Variants in GRM5 observed in about 807,000 individuals in gnomAD.
The protein encoded by GRM5 is metabotropic glutamate receptor 5.
A neutral mutation model predicts 83.1 loss-of-function variants in GRM5; 19 were observed. The ratio of observed to expected loss-of-function variants is 0.23; its 90% confidence interval spans 0.16 to 0.34. The LOEUF (loss-of-function observed/expected upper bound fraction) is 0.34, where lower values mean the gene tolerates loss of function less well. GRM5 is among the 10% of genes least tolerant of loss of function. The pLI, the probability that GRM5 is intolerant of heterozygous loss-of-function variation, is 1.00. For missense variants in GRM5, 1,160 were observed against 1,588.3 expected (o/e 0.73, Z 4.58); for synonymous variants, 675 against 633.6 (o/e 1.07, Z -0.98).
intron 1 of GRM5, among the ~76,000 whole-genome samples, chr11:89,060,257 T>C (rs148944394): frequency 3.2e-3 from 436 of 137,334 alleles, no homozygotes; most frequent in African/African-American, 0.011. Context: ...TTTACATATA[T>C]GGTAAATGGT....
At chr11:88,831,607 A>G (rs116779104) in intron 3 of GRM5, among the ~76,000 whole-genome samples, 3,884 of 152,228 alleles carry the variant, frequency 0.026, 176 homozygotes, top group African/African-American at 0.089. Flanking sequence ...GGCATCTGGG[A>G]GTTTGGCAAT....
At chr11:88,670,489 A>ATGTG (rs138754698) in intron 3 of GRM5, among the ~76,000 whole-genome samples, 1 of 150,434 alleles carries the variant, frequency 6.6e-6, no homozygotes, top group East Asian at 2.0e-4. Flanking sequence ...GTGTGTGTGT[A>ATGTG]TGTGTGTGTG....
intron 1 of GRM5, among the ~76,000 whole-genome samples, chr11:89,061,299 C>A (rs1482832827): frequency 1.3e-5 from 2 of 152,194 alleles, no homozygotes; most frequent in East Asian, 3.9e-4. Flanking sequence ...CAAATAAATA[C>A]AATATTTTTA....
At chr11:88,973,451 G>A (rs961236918) in intron 2 of GRM5, among the ~76,000 whole-genome samples, 4 of 152,134 alleles carry the variant, frequency 2.6e-5, no homozygotes, top group Non-Finnish European at 5.9e-5. Flanking sequence ...GCTCTTATCA[G>A]AGAGAGGCAA....
Position 88,603,409 on chromosome 11 carries a change from G to A in GRM5, c.1394+1309C>T, listed in dbSNP as rs117263739. Among the ~76,000 whole-genome samples, 175 of 152,300 alleles carry A rather than the reference G, an allele frequency of 1.1e-3. 2 individuals carry two copies. In the Middle Eastern group the frequency reaches 0.014, roughly 12 times the overall value. ...ATGGGAATAATAAATTCCTGTGCAGGTATCTGAGCCCAGGCCTTGACCTGA... is the reference window on the plus strand; with the variant it reads ...ATGGGAATAATAAATTCCTGTGCAGATATCTGAGCCCAGGCCTTGACCTGA... On this transcript the variant is annotated intron_variant, in intron 5 of 9. Coordinates refer to ENST00000305447, the MANE Select transcript of GRM5 (RefSeq NM_001143831.3).
intron 2 of GRM5, among the ~76,000 whole-genome samples, chr11:88,946,630 A>G (rs591799): frequency 0.51 from 76,998 of 151,902 alleles, 21,049 homozygotes; most frequent in South Asian, 0.7. Flanking sequence ...CCACTGACAT[A>G]ACGATGGCGA....
At chr11:88,511,835 C>T (rs918185988) in intron 9 of GRM5, 5 of 152,228 alleles carry the variant, frequency 3.3e-5, no homozygotes, top group African/African-American at 1.2e-4. Context: ...TTGCCAACTA[C>T]ACCCTTTCTC....
chr11:88,912,657 T>C (rs1411385449), intron 2 of GRM5, among the ~76,000 whole-genome samples: 1 of 152,218 alleles, frequency 6.6e-6, no homozygotes, highest in Non-Finnish European at 1.5e-5. Context: ...GCATCCATAA[T>C]AGTCATTTTG....
intron 4 of GRM5, among the ~76,000 whole-genome samples, chr11:88,622,861 AT>A (rs1938678045): frequency 6.6e-6 from 1 of 152,132 alleles, no homozygotes; most frequent in Non-Finnish European, 1.5e-5. Context: ...GTTTGAAACT[AT>A]TTTGCCACTT....
At chr11:88,509,547 CA>C in intron 9 of GRM5, 43 bp from the exon 10 acceptor site, 1 of 1,508,792 alleles carries the variant, frequency 6.6e-7, no homozygotes, top group Non-Finnish European at 9.1e-7. Context: ...GCGAGGTGCC[CA>C]GGGGGCTTGG....
chr11:88,801,876 T>C (rs573705506), intron 3 of GRM5, among the ~76,000 whole-genome samples: 1 of 152,246 alleles, frequency 6.6e-6, no homozygotes, highest in Non-Finnish European at 1.5e-5. Flanking sequence ...CTCCTCATGG[T>C]GTCAGGAGCC....
intron 1 of GRM5, among the ~76,000 whole-genome samples, chr11:89,054,879 T>A (rs1402127616): frequency 6.6e-6 from 1 of 152,226 alleles, no homozygotes; most frequent in African/African-American, 2.4e-5. Flanking sequence ...CTCTGGGTAG[T>A]AAAAATATAG....
At chr11:89,048,360 A>G (rs763305145) in intron 1 of GRM5, among the ~76,000 whole-genome samples, 12 of 152,180 alleles carry the variant, frequency 7.9e-5, no homozygotes, top group Non-Finnish European at 1.3e-4. Flanking sequence ...TTGTAATCTC[A>G]GGCAGAGATG....
chr11:88,736,226 A>T (rs559043048), intron 3 of GRM5, among the ~76,000 whole-genome samples: 134 of 152,214 alleles, frequency 8.8e-4, no homozygotes, highest in Non-Finnish European at 1.4e-3. Context: ...ACCTAAAAAA[A>T]ACTTTCTTGA....
At chr11:88,753,624 T>C (rs955674946) in intron 3 of GRM5, among the ~76,000 whole-genome samples, 5 of 152,156 alleles carry the variant, frequency 3.3e-5, no homozygotes, top group African/African-American at 1.2e-4. Context: ...CATGCATGCA[T>C]ATATTCATTG....
intron 4 of GRM5, among the ~76,000 whole-genome samples, chr11:88,638,645 T>C (rs1425587167): frequency 6.6e-6 from 1 of 152,178 alleles, no homozygotes; most frequent in Non-Finnish European, 1.5e-5. Context: ...AATTTTTAAC[T>C]ATAAATTCAG....
chr11:88,846,093 T>C (rs11821383), intron 3 of GRM5, among the ~76,000 whole-genome samples: 66,443 of 152,044 alleles, frequency 0.44, 14,809 homozygotes, highest in African/African-American at 0.5. Flanking sequence ...CATTTCCTTT[T>C]TGTGGCTTTG....
At chr11:88,584,476 C>T (rs1026904837) in intron 7 of GRM5, among the ~76,000 whole-genome samples, 13 of 151,950 alleles carry the variant, frequency 8.6e-5, no homozygotes, top group Admixed American at 4.6e-4. Flanking sequence ...CTCTGTCACC[C>T]GAGCTGGAGT....
intron 3 of GRM5, among the ~76,000 whole-genome samples, chr11:88,802,021 G>A (rs1943406389): frequency 6.6e-6 from 1 of 152,090 alleles, no homozygotes; most frequent in Admixed American, 6.6e-5. Context: ...GCGTGGGGGA[G>A]GGAAATGTGG....
Sources: allele counts gnomAD v4.1 joint callset (sites outside exome capture counted in the v4.1 genomes callset), GRCh38; gene constraint gnomAD v4.1.1; transcripts MANE v1.5; gene names NCBI Gene and HGNC (gene_info 2026-07-23, HGNC 2026-07-21).